The following ASB6 variants were observed in gnomAD, a reference collection of about 807,000 sequenced individuals.
ASB6 encodes the protein ankyrin repeat and SOCS box protein 6.
ASB6 carries 24 observed loss-of-function variants against 28.6 expected under a neutral mutation model. The observed-to-expected ratio is 0.84, with a 90% CI of 0.61 to 1.18. The LOEUF (loss-of-function observed/expected upper bound fraction) is 1.18. Ranked by LOEUF, ASB6 falls within the 50% of genes most tolerant of loss-of-function variation. ASB6 has a pLI of 0.00. For missense variants in ASB6, 519 were observed against 559.8 expected, an observed-to-expected ratio of 0.93 and a Z score of 0.74; for synonymous variants, 267 against 243.4, an observed-to-expected ratio of 1.10 and a Z score of -0.90.
chr9:129,639,369 C>T (rs1831636883), intron 3 of ASB6, 33 bp downstream of exon 3: 1 of 1,601,904 alleles, frequency 6.2e-7, no homozygotes. Context: ...CCTGCCCAAC[C>T]CTGCTTCAAA....
At chr9:129,641,793 G>C in intron 1 of ASB6, 94 bp downstream of exon 1, 1 of 1,280,340 alleles carries the variant, frequency 7.8e-7, no homozygotes. Context: ...CTCTGTCAAG[G>C]GGGACGCATC....
Position 129,634,954 on chromosome 9 carries a change from A to C in ASB6, c.*2836T>G. 2 of 512,438 alleles carry C rather than the reference A, an allele frequency of 3.9e-6. No individual in the cohort carries two copies. Among genetic ancestry groups the C allele is most frequent in the Non-Finnish European group, 7.0e-6 (2 of 285,770 alleles). The allele number at this position is 512,438 out of a possible 1,614,324, so 31.7% of individuals were successfully genotyped here. On this transcript the variant is annotated 3_prime_UTR_variant, in exon 6 of 6. Coordinates refer to ENST00000277458, the MANE Select transcript of ASB6 (RefSeq NM_017873.4). ...GCATCATGGTGTGTAGGTATCAGGC[A>C]GGACTTGTAAGCCATCCCGTCAAGT...
chr9:129,642,086 G>A lies in ASB6; in HGVS notation c.-87C>T, dbSNP rs1174766871. ...CCGACCGGAACGCTCCGGCGGCCGC[G>A]GACCCCACCTGCTCCGCCAGTCCAG... On this transcript the variant is annotated 5_prime_UTR_variant, in exon 1 of 6. Transcript: ENST00000277458. The surrounding 1 kb of genome is among the most constrained non-coding windows in gnomAD (Gnocchi z 4.3). 6 of 1,430,896 alleles carry A rather than the reference G, an allele frequency of 4.2e-6. No homozygotes were observed. In the Admixed American group the frequency reaches 1.1e-4, roughly 25 times the overall value. 88.6% of individuals were successfully genotyped at this position (1,430,896 alleles called of 1,614,324 possible).
In ASB6 at chr9:129,637,773, C is replaced by A; in HGVS notation, c.*17G>T. The A allele has an allele frequency of 6.7e-7, 1 of 1,503,204 alleles. No individual in the cohort carries two copies. Among genetic ancestry groups the A allele is most frequent in the South Asian group, 1.4e-5 (1 of 72,838 alleles). The allele number at this position is 1,503,204 out of a possible 1,614,324, so 93.1% of individuals were successfully genotyped here. A position where few individuals can be genotyped will look rare whatever the true frequency, so the allele number is the denominator to read the frequency against. On this transcript the variant is annotated 3_prime_UTR_variant, in exon 6 of 6. Transcript: ENST00000277458. ...CCTGAGCTGCCCGTGTCCCCCGTTC[C>A]TGTAGCCTGAGACCTATCAGATGTC...
Position 129,639,221 on chromosome 9 carries a change from G to T in ASB6, c.492C>A (p.Val164=), listed in dbSNP as rs771915546. 6.8e-6 allele frequency: 11 copies of T among 1,609,780 alleles called. No homozygotes were observed. In the Admixed American group the frequency reaches 8.4e-5, roughly 12 times the overall value. The change falls in exon 4 of 6, where the codon GTC becomes GTA. Residue 164 remains valine, a synonymous_variant. Transcript: ENST00000277458. ...ACCCACCATGCTTGTCAGCGGCATT[G>T]ACATCAGCTCCAAGGTCCAGGAGGC... ...LQRLLDLGAD[V]NAADKHGKTA...
Position 129,640,742 on chromosome 9 carries a change from G to C in ASB6, c.114-20C>G. The C allele has an allele frequency of 6.2e-7, 1 of 1,613,544 alleles. No individual in the cohort carries two copies. Among genetic ancestry groups the C allele is most frequent in the South Asian group, 1.1e-5 (1 of 91,014 alleles). ...CTGGGCCTGGGACAGGAGAGAGGCT[G>C]AGGGTAGGCACAGCTGTGGGACCGG... On this transcript the variant is annotated intron_variant, in intron 1 of 5. Transcript: ENST00000277458.
rs1402832566 is a variant in ASB6 at position 129,635,546 on chromosome 9, G to C, written c.*2244C>G. ...CTGGGCAAGATCCAGGCGCCACGCT[G>C]GCGGTTCGTGAGTGTCGAGGCACCA... is the stretch of plus-strand genomic sequence containing the variant. On this transcript the variant is annotated 3_prime_UTR_variant, in exon 6 of 6. Transcript: ENST00000277458. 1.8e-5 allele frequency: 27 copies of C among 1,497,834 alleles called. No homozygotes were observed. The highest frequency in any genetic ancestry group is 2.3e-5 in the Non-Finnish European group (25 of 1,108,940). 92.8% of individuals were successfully genotyped at this position (1,497,834 alleles called of 1,614,324 possible). A position where few individuals can be genotyped will look rare whatever the true frequency, so the allele number is the denominator to read the frequency against.
chr9:129,639,364 C>T (rs369808920), intron 3 of ASB6, 38 bp downstream of exon 3: 67 of 1,601,960 alleles, frequency 4.2e-5, no homozygotes, highest in Non-Finnish European at 5.5e-5. Context: ...AGGCCCCTGC[C>T]CAACCCTGCT....
Position 129,635,739 on chromosome 9 carries a change from C to T in ASB6, c.*2051G>A. On this transcript the variant is annotated 3_prime_UTR_variant, in exon 6 of 6. Coordinates refer to ENST00000277458, the MANE Select transcript of ASB6 (RefSeq NM_017873.4). ...AGGGGCTCCAGGGCTCCTGGTGCTC[C>T]CCATGTGGGAATAGGGTGGCCACAT... 1 of 411,130 alleles carries T rather than the reference C, an allele frequency of 2.4e-6. No individual in the cohort carries two copies. Among genetic ancestry groups the T allele is most frequent in the Non-Finnish European group, 4.4e-6 (1 of 226,772 alleles). The allele number at this position is 411,130 out of a possible 1,614,324, so 25.5% of individuals were successfully genotyped here.
At position 129,635,607 on chromosome 9, in the gene ASB6, G is replaced by T. The variant is rs1831507246; in HGVS notation, c.*2183C>A. ...CTGTCTGCCGTCCACTCATTATGCG[G>T]GCTCTTCTTCAAAAGGCAAGGTGGG... On this transcript the variant is annotated 3_prime_UTR_variant, in exon 6 of 6. Transcript: ENST00000277458. 1 of 1,075,284 alleles carries T rather than the reference G, an allele frequency of 9.3e-7. No individual in the cohort carries two copies. Among genetic ancestry groups the T allele is most frequent in the Non-Finnish European group, 1.3e-6 (1 of 747,882 alleles). 66.6% of individuals were successfully genotyped at this position (1,075,284 alleles called of 1,614,324 possible).
At position 129,638,380 on chromosome 9, in the gene ASB6, C is replaced by T; in HGVS notation, c.676G>A (p.Gly226Arg). The T allele has an allele frequency of 6.2e-7, 1 of 1,613,736 alleles. No homozygotes were observed. Among genetic ancestry groups the T allele is most frequent in the Non-Finnish European group, 8.5e-7 (1 of 1,180,022 alleles). ...CIIFLLGETVGGDKEEAQMIN... is the reference protein window; with the variant it reads ...CIIFLLGETVRGDKEEAQMIN... ...ATCTGGGCCTCCTCTTTGTCCCCTC[C>T]CACGGTCTCACCAAGCAGGAAGATG... The change falls in exon 6 of 6, where the codon GGA (glycine) becomes AGA (arginine). Residue 226 changes from glycine to arginine, a missense_variant. Transcript: ENST00000277458.
At chr9:129,640,970 A>G in intron 1 of ASB6, 1 of 467,920 alleles carries the variant, frequency 2.1e-6, no homozygotes, top group Non-Finnish European at 3.8e-6. Flanking sequence ...CGTTGCCCAG[A>G]GTCCGGTCGC....
Position 129,638,117 on chromosome 9 carries a change from G to C in ASB6, c.939C>G (p.Cys313Trp). Residue 313 changes from cysteine (C) to tryptophan (W), a missense_variant, in exon 6 of 6, where the codon TGC (cysteine) becomes TGG (tryptophan). Coordinates refer to ENST00000277458, the MANE Select transcript of ASB6 (RefSeq NM_017873.4). The stretch of plus-strand genomic sequence containing the variant: ...GGTCCGCATGGCTCTCGTCTTCCGT[G>C]CAGCCTGGGTGGGAACAGAGCCTCT... Reference protein sequence around the residue: ...IFERLCSHPGCTEDESHADLL... With the variant: ...IFERLCSHPGWTEDESHADLL... 6.2e-7 allele frequency: 1 copy of C among 1,614,168 alleles called. No homozygotes were observed.
Position 129,638,154 on chromosome 9 carries a change from T to C in ASB6, c.902A>G (p.His301Arg), listed in dbSNP as rs1259140220. 5.6e-6 allele frequency: 9 copies of C among 1,613,952 alleles called. No homozygotes were observed. In the East Asian group the frequency reaches 2.0e-4, roughly 36 times the overall value. Residue 301 changes from histidine (H) to arginine (R), a missense_variant, in exon 6 of 6, where the codon CAC becomes CGC. By Grantham distance (29) the His-to-Arg change is conservative. Transcript: ENST00000277458. The part of the protein sequence containing the change: ...LHGASCWSGF[H>R]IIFERLCSHP... ...GGAACAGAGCCTCTCAAAGATGATG[T>C]GAAAGCCAGACCAGCAGGACGCACC...
In ASB6 at chr9:129,635,267, C is replaced by T. The variant is rs781430335; in HGVS notation, c.*2523G>A. The T allele has an allele frequency of 3.7e-6, 6 of 1,613,338 alleles. No individual in the cohort carries two copies. In the African/African-American group the frequency reaches 5.3e-5, roughly 14 times the overall value. ...GCGGCGCTGCAAGGGCAGCCTCCGCCCCAACGGCATCATCGTCATCAAAGA... is the reference window on the plus strand; with the variant it reads ...GCGGCGCTGCAAGGGCAGCCTCCGCTCCAACGGCATCATCGTCATCAAAGA... On this transcript the variant is annotated 3_prime_UTR_variant, in exon 6 of 6. Coordinates refer to ENST00000277458, the MANE Select transcript of ASB6 (RefSeq NM_017873.4).
intron 2 of ASB6, 45 bp from the exon 3 acceptor site, chr9:129,639,553 T>A: frequency 6.5e-7 from 1 of 1,550,314 alleles, no homozygotes; most frequent in Non-Finnish European, 8.8e-7. Context: ...CTGTCCGCAT[T>A]CTTATGGGGC....
rs376101234 is a variant in ASB6, at chr9:129,635,166, G to A, written c.*2624C>T. The A allele has an allele frequency of 2.5e-4, 399 of 1,582,720 alleles. 1 individual carries two copies. The Middle Eastern group carries it at 4.4e-3, about 17-fold the overall frequency. On this transcript the variant is annotated 3_prime_UTR_variant, in exon 6 of 6. Coordinates refer to ENST00000277458, the MANE Select transcript of ASB6 (RefSeq NM_017873.4). ...TACATCCCATCCAGTGCCGACATCC[G>A]CTTGCATGGTGCCCTGGTAACCTTG...
intron 2 of ASB6, 59 bp from the exon 3 acceptor site, chr9:129,639,567 C>G: frequency 6.8e-7 from 1 of 1,461,006 alleles, no homozygotes; most frequent in Non-Finnish European, 9.4e-7. Flanking sequence ...ATGGGGCCCC[C>G]GGACCCAGAG....
intron 1 of ASB6, 51 bp from the exon 2 acceptor site, chr9:129,640,773 C>G: frequency 6.2e-7 from 1 of 1,604,312 alleles, no homozygotes; most frequent in Non-Finnish European, 8.5e-7. Context: ...ACCGGGTGAC[C>G]GCGCAGCCTG....
Sources: gnomAD v4.1 joint callset for allele counts on GRCh38, gnomAD v4.1.1 for gene constraint, Gnocchi (gnomAD v3.1) non-coding constraint, MANE v1.5 for transcripts, NCBI Gene and HGNC (gene_info 2026-07-23, HGNC 2026-07-21) for gene names.